The following USP33 variants were observed in gnomAD, a reference collection of about 807,000 sequenced individuals.
USP33 encodes ubiquitin carboxyl-terminal hydrolase 33.
Under a neutral mutation model 124.2 loss-of-function variants are expected in USP33, and 46 were observed. The ratio of observed to expected loss-of-function variants is 0.37; its 90% CI spans 0.29 to 0.47. The LOEUF is 0.47. Ranked by LOEUF, USP33 falls within the 20% of genes least tolerant of loss-of-function variation. USP33 has a pLI of 0.99. For missense variants in USP33, 851 were observed against 1,070.6 expected (o/e 0.79, Z 2.86); for synonymous variants, 350 against 352.3 (o/e 0.99, Z 0.07).
chr1:77,699,420 T>C (rs141042213), intron 22 of USP33, among the ~76,000 whole-genome samples: 3 of 152,268 alleles, frequency 2.0e-5, no homozygotes, highest in Non-Finnish European at 2.9e-5. Flanking sequence ...CTCAGGACGC[T>C]GAGGCAGGAC....
At chr1:77,728,218 A>G (rs1677378706) in intron 10 of USP33, 77 bp downstream of exon 10, 84 of 1,403,248 alleles carry the variant, frequency 6.0e-5, no homozygotes, top group Non-Finnish European at 7.9e-5. Context: ...AGAAATACCC[A>G]AAGTAACAAT....
At position 77,744,716 on chromosome 1, in the gene USP33, G is replaced by GGATGCCTATAGGCACA. The variant is rs573540533; in HGVS notation, c.-51-2969_-51-2968insTGTGCCTATAGGCATC. 3.1e-4 allele frequency among the ~76,000 whole-genome samples: 47 copies of GGATGCCTATAGGCACA among 152,154 alleles called. 2 individuals are homozygous for GGATGCCTATAGGCACA. Among genetic ancestry groups the GGATGCCTATAGGCACA allele is most frequent in the Admixed American group, 2.8e-3 (43 of 15,276 alleles). On this transcript the variant is annotated intron_variant, in intron 1 of 23. Transcript: ENST00000370794. ...AAAAATCATCCAGGCATGGTGGCAC[G>GGATGCCTATAGGCACA]TGCCTATAGTCCCACCTACTCACGA... is the stretch of plus-strand genomic sequence containing the variant.
chr1:77,728,811 G>A, intron 9 of USP33, 99 bp from the exon 10 acceptor site: 1 of 1,287,496 alleles, frequency 7.8e-7, no homozygotes, highest in Non-Finnish European at 1.1e-6. Context: ...TATATATGAA[G>A]GTACAGCACT....
intron 21 of USP33, among the ~76,000 whole-genome samples, chr1:77,710,074 T>C (rs1675080691): frequency 6.6e-6 from 1 of 152,178 alleles, no homozygotes; most frequent in Non-Finnish European, 1.5e-5. Flanking sequence ...TCTTGATCAT[T>C]TTCCCATATG....
At chr1:77,738,974 C>G (rs1415892178) in intron 5 of USP33, among the ~76,000 whole-genome samples, 1 of 151,740 alleles carries the variant, frequency 6.6e-6, no homozygotes, top group African/African-American at 2.4e-5. Context: ...ATCAGACTTA[C>G]CAGAAAAAGA....
At chr1:77,711,282 C>G (rs973747464) in intron 21 of USP33, among the ~76,000 whole-genome samples, 9 of 151,980 alleles carry the variant, frequency 5.9e-5, no homozygotes, top group African/African-American at 1.7e-4. Flanking sequence ...AATCCCAGTA[C>G]TTTGTGGGGC....
intron 7 of USP33, among the ~76,000 whole-genome samples, chr1:77,732,789 C>CTTTTTTTTT (rs939934675): frequency 9.5e-6 from 1 of 104,898 alleles, no homozygotes; most frequent in Non-Finnish European, 1.9e-5. Context: ...AATGTCTCTT[C>CTTTTTTTTT]TTTTTTTTTT....
At chr1:77,718,575 G>C (rs1676183298) in intron 16 of USP33, 21 bp downstream of exon 16, 1 of 1,564,460 alleles carries the variant, frequency 6.4e-7, no homozygotes, top group African/African-American at 1.4e-5. Context: ...AATATAAGTT[G>C]AATTAAAATA....
chr1:77,748,789 C>T (rs1356670225), intron 1 of USP33, among the ~76,000 whole-genome samples: 6 of 129,002 alleles, frequency 4.7e-5, no homozygotes, highest in African/African-American at 1.8e-4. Flanking sequence ...TCCCCCCCCC[C>T]CCCGTGCTTG....
intron 20 of USP33, among the ~76,000 whole-genome samples, chr1:77,712,506 G>A (rs951817923): frequency 6.6e-5 from 10 of 152,168 alleles, no homozygotes; most frequent in African/African-American, 2.4e-4. Flanking sequence ...CTGGGCGACA[G>A]AGCGAGACTC....
intron 15 of USP33, chr1:77,720,663 C>CT (rs1676468821): frequency 1.0e-6 from 1 of 965,238 alleles, no homozygotes; most frequent in Non-Finnish European, 1.2e-6. Flanking sequence ...TCTTCCAACA[C>CT]TTTTTTCTGA....
intron 21 of USP33, among the ~76,000 whole-genome samples, chr1:77,702,531 T>A (rs1570724806): frequency 6.6e-6 from 1 of 152,128 alleles, no homozygotes; most frequent in African/African-American, 2.4e-5. Context: ...TTCTAATAAG[T>A]GGTGGGACAG....
At position 77,696,544 on chromosome 1, in the gene USP33, AAT is replaced by A. The variant is rs1399042132; in HGVS notation, c.*771_*772del. ...GTTTCCTGAGCTTTAGGAAATTAAC[AAT>A]TTTCTGACTACTACTTTCAACTTAA... On this transcript the variant is annotated 3_prime_UTR_variant, in exon 24 of 24. Coordinates refer to ENST00000370794, the MANE Select transcript of USP33 (RefSeq NM_201624.3). 1 of 152,588 alleles carries A rather than the reference AAT, an allele frequency of 6.6e-6. No individual in the cohort carries two copies. The highest frequency in any genetic ancestry group is 1.5e-5 in the Non-Finnish European group (1 of 68,036). 9.5% of individuals were successfully genotyped at this position (152,588 alleles called of 1,614,324 possible). A position where few individuals can be genotyped will look rare whatever the true frequency, so the allele number is the denominator to read the frequency against.
At position 77,759,584 on chromosome 1, in the gene USP33, C is replaced by A. The variant is rs575161601; in HGVS notation, c.-52+59G>T. ...GCGGAAGCGAGAACAGAGACCGGAC[C>A]CCGGACGCGAGCGAAACGCCCTTGG... On this transcript the variant is annotated intron_variant, in intron 1 of 23. Transcript: ENST00000370794. The A allele has an allele frequency of 1.5e-5, 6 of 398,164 alleles. No individual in the cohort carries two copies. In the South Asian group the frequency reaches 5.1e-4, roughly 34 times the overall value. The allele number at this position is 398,164 out of a possible 1,614,324, so 24.7% of individuals were successfully genotyped here.
chr1:77,717,750 G>T, intron 17 of USP33, 117 bp downstream of exon 17: 1 of 904,604 alleles, frequency 1.1e-6, no homozygotes, highest in Non-Finnish European at 1.5e-6. Context: ...CTTTAATTAA[G>T]TGATTCTCCC....
At chr1:77,756,227 G>A (rs947804218) in intron 1 of USP33, among the ~76,000 whole-genome samples, 1 of 152,026 alleles carries the variant, frequency 6.6e-6, no homozygotes, top group Non-Finnish European at 1.5e-5. Flanking sequence ...ACAGGCTCAA[G>A]CCACAGCACC....
At chr1:77,718,781 T>C (rs1676209312) in intron 15 of USP33, 140 bp from the exon 16 acceptor site, 1 of 626,416 alleles carries the variant, frequency 1.6e-6, no homozygotes, top group Non-Finnish European at 2.8e-6. Flanking sequence ...AATACAAAAT[T>C]AGCCAGGCAT....
chr1:77,746,999 T>C (rs1475096136), intron 1 of USP33, among the ~76,000 whole-genome samples: 1 of 152,228 alleles, frequency 6.6e-6, no homozygotes, highest in Non-Finnish European at 1.5e-5. Context: ...TGTTCTTTTA[T>C]TAATTGCTTC....
intron 1 of USP33, among the ~76,000 whole-genome samples, chr1:77,751,790 G>A (rs1049210852): frequency 1.7e-4 from 26 of 151,150 alleles, no homozygotes; most frequent in African/African-American, 5.6e-4. Flanking sequence ...CCGGGTTCAC[G>A]CCATTCTCCT....
Sources: allele counts gnomAD v4.1 joint callset (sites outside exome capture counted in the v4.1 genomes callset), GRCh38; gene constraint gnomAD v4.1.1; transcripts MANE v1.5; gene names NCBI Gene and HGNC (gene_info 2026-07-23, HGNC 2026-07-21).